The following BMP8A variants were observed in gnomAD, a reference collection of about 807,000 sequenced individuals.
BMP8A encodes bone morphogenetic protein 8a.
BMP8A carries 14 observed loss-of-function variants against 36.8 expected under a neutral mutation model. That is an observed-to-expected ratio of 0.38 (90% CI 0.25 to 0.60). The LOEUF (loss-of-function observed/expected upper bound fraction) is 0.60. Ranked by LOEUF, BMP8A falls within the 20% of genes least tolerant of loss-of-function variation. The pLI is 0.63. For missense variants in BMP8A, 267 were observed against 551.1 expected, an observed-to-expected ratio of 0.48 and a Z score of 5.16; for synonymous variants, 120 against 237.7, an observed-to-expected ratio of 0.50 and a Z score of 4.55.
chr1:39,497,909 C>T (rs1425661970), intron 1 of BMP8A, among the ~76,000 whole-genome samples: 1 of 152,186 alleles, frequency 6.6e-6, no homozygotes, highest in Non-Finnish European at 1.5e-5. Context: ...TGGGCCCTCC[C>T]CTGGGACCCC....
intron 1 of BMP8A, among the ~76,000 whole-genome samples, chr1:39,494,209 TC>T (rs1292028879): frequency 1.3e-5 from 2 of 152,216 alleles, no homozygotes; most frequent in Non-Finnish European, 2.9e-5. Flanking sequence ...TCTCCACATG[TC>T]TTGTACACGT....
At chr1:39,509,523 C>T (rs932852051) in intron 1 of BMP8A, among the ~76,000 whole-genome samples, 4 of 152,192 alleles carry the variant, frequency 2.6e-5, no homozygotes, top group Non-Finnish European at 1.5e-5. Context: ...GCCCAGCACC[C>T]TCAGGTGCTG....
intron 3 of BMP8A, among the ~76,000 whole-genome samples, chr1:39,514,230 A>C (rs2124365872): frequency 7.5e-6 from 1 of 133,762 alleles, no homozygotes; most frequent in South Asian, 3.0e-4. Flanking sequence ...CCAGGTGAGG[A>C]GACGCCTGCA....
intron 1 of BMP8A, among the ~76,000 whole-genome samples, chr1:39,498,982 G>A (rs2797376): frequency 3.2e-4 from 48 of 152,352 alleles, no homozygotes; most frequent in Middle Eastern, 3.4e-3. Flanking sequence ...GGGACAAGAG[G>A]CCCTTGGGAA....
At position 39,529,778 on chromosome 1, in the gene BMP8A, A is replaced by T. The variant is rs570977114; in HGVS notation, c.*3980A>T. Among the ~76,000 whole-genome samples, 4 of 152,296 alleles carry T rather than the reference A, an allele frequency of 2.6e-5. No individual in the cohort carries two copies. In the South Asian group the frequency reaches 8.3e-4, roughly 32 times the overall value. On this transcript the variant is annotated 3_prime_UTR_variant, in exon 7 of 7. Transcript: ENST00000331593. ...CATATGGATATTTTACAAAGTTAGG[A>T]TCCTACTCTATGCACTGCTTGGTGA...
intron 1 of BMP8A, among the ~76,000 whole-genome samples, chr1:39,507,540 G>C (rs1645312395): frequency 2.0e-5 from 3 of 152,180 alleles, no homozygotes; most frequent in South Asian, 4.1e-4. Flanking sequence ...CGAGGAGTCA[G>C]GGTTCCGTTT....
chr1:39,520,155 TCC>T (rs1645420224), intron 3 of BMP8A, among the ~76,000 whole-genome samples: 1 of 48,082 alleles, frequency 2.1e-5, no homozygotes. Flanking sequence ...TGTTTTTTTT[TCC>T]TTGAAACACA....
At chr1:39,508,032 A>G (rs917674202) in intron 1 of BMP8A, among the ~76,000 whole-genome samples, 3 of 152,176 alleles carry the variant, frequency 2.0e-5, no homozygotes, top group Non-Finnish European at 2.9e-5. Context: ...CGGGCAGATC[A>G]CAAGATCAGG....
chr1:39,500,978 A>G (rs1163069358), intron 1 of BMP8A, among the ~76,000 whole-genome samples: 2 of 152,184 alleles, frequency 1.3e-5, no homozygotes, highest in African/African-American at 4.8e-5. Context: ...TTGGCATACA[A>G]TTCTAGTGGC....
In BMP8A at chr1:39,527,417, C is replaced by T. The variant is rs372353105; in HGVS notation, c.*1619C>T. ...TGTCATTAAAAGCAGATCCTGGGCC[C>T]GCCCCATCCACAGGCACAGCCTGGC... On this transcript the variant is annotated 3_prime_UTR_variant, in exon 7 of 7. Transcript: ENST00000331593. Among the ~76,000 whole-genome samples the T allele has an allele frequency of 1.6e-4, 25 of 152,350 alleles. No individual in the cohort carries two copies. The East Asian group carries it at 4.0e-3, about 25-fold the overall frequency.
chr1:39,508,428 C>T (rs575390948), intron 1 of BMP8A, among the ~76,000 whole-genome samples: 118 of 152,336 alleles, frequency 7.7e-4, no homozygotes, highest in Admixed American at 2.7e-3. Context: ...TCCTATCCCA[C>T]GGCCCCTGCC....
At chr1:39,519,723 G>A (rs1028570855) in intron 3 of BMP8A, among the ~76,000 whole-genome samples, 2 of 151,902 alleles carry the variant, frequency 1.3e-5, no homozygotes, top group Non-Finnish European at 2.9e-5. Context: ...TGACCTGTAG[G>A]GTGTACTGGA....
At chr1:39,502,326 A>G (rs1374920783) in intron 1 of BMP8A, among the ~76,000 whole-genome samples, 1 of 152,130 alleles carries the variant, frequency 6.6e-6, no homozygotes, top group Non-Finnish European at 1.5e-5. Flanking sequence ...AAAAATATAT[A>G]TGTACCAATA....
At chr1:39,514,485 G>T (rs1645380280) in intron 3 of BMP8A, among the ~76,000 whole-genome samples, 2 of 150,924 alleles carry the variant, frequency 1.3e-5, no homozygotes, top group South Asian at 4.2e-4. Context: ...CACTCTCCGG[G>T]TTGTCACAGG....
At chr1:39,506,201 G>T (rs772518994) in intron 1 of BMP8A, among the ~76,000 whole-genome samples, 4 of 151,682 alleles carry the variant, frequency 2.6e-5, no homozygotes, top group East Asian at 3.9e-4. Context: ...CAATTTCCTG[G>T]TTTTTTTGTT....
intron 1 of BMP8A, among the ~76,000 whole-genome samples, chr1:39,509,006 G>T (rs927980183): frequency 1.3e-5 from 2 of 152,282 alleles, no homozygotes; most frequent in Non-Finnish European, 2.9e-5. Flanking sequence ...CAGGTCAGGC[G>T]GGGAGGGAGG....
intron 1 of BMP8A, among the ~76,000 whole-genome samples, chr1:39,502,947 G>C (rs1486733554): frequency 2.0e-5 from 3 of 152,192 alleles, no homozygotes; most frequent in Non-Finnish European, 4.4e-5. Context: ...TCAGGAGGCT[G>C]AGGCAGGACA....
chr1:39,493,681 G>A (rs1396869068), intron 1 of BMP8A, among the ~76,000 whole-genome samples: 2 of 152,256 alleles, frequency 1.3e-5, no homozygotes, highest in Admixed American at 1.3e-4. Context: ...AGCGCCCAGT[G>A]CCAGGGACAG....
intron 3 of BMP8A, among the ~76,000 whole-genome samples, chr1:39,516,942 G>A (rs907956741): frequency 1.2e-4 from 18 of 151,866 alleles, no homozygotes; most frequent in Admixed American, 5.2e-4. Flanking sequence ...TTTGTGATTG[G>A]AAGACATGCT....
Sources: allele counts gnomAD v4.1 joint callset (sites outside exome capture counted in the v4.1 genomes callset), GRCh38; gene constraint gnomAD v4.1.1; transcripts MANE v1.5; gene names NCBI Gene and HGNC (gene_info 2026-07-23, HGNC 2026-07-21).